TOX2: variants seen among roughly 807,000 people sequenced by gnomAD.
The protein encoded by TOX2 is TOX high mobility group box family member 2, also known as granulosa cell HMG box 1.
A neutral mutation model predicts 47.4 loss-of-function variants in TOX2; 15 were observed. The ratio of observed to expected loss-of-function variants is 0.32; its 90% CI spans 0.21 to 0.49. The LOEUF (loss-of-function observed/expected upper bound fraction) is 0.49. Ranked by LOEUF, TOX2 falls within the 20% of genes least tolerant of loss-of-function variation. The probability of loss-of-function intolerance (pLI) is 0.99; values close to 1 mark genes in which losing one functional copy is unlikely to be tolerated. For missense variants in TOX2, 622 were observed against 673.1 expected (o/e 0.92, Z 0.84); for synonymous variants, 290 against 296.6 (o/e 0.98, Z 0.23).
intron 3 of TOX2, among the ~76,000 whole-genome samples, chr20:44,008,602 C>T (rs1021359975): frequency 8.5e-5 from 13 of 152,134 alleles, no homozygotes; most frequent in African/African-American, 7.2e-5. Context: ...CCATCAAAAT[C>T]TATAGAAAAA....
chr20:43,991,332 T>C (rs1168319237), intron 2 of TOX2, among the ~76,000 whole-genome samples: 1 of 152,250 alleles, frequency 6.6e-6, no homozygotes, highest in East Asian at 1.9e-4. Context: ...GGTGCAGCAC[T>C]GAGCCCAATG....
chr20:43,999,279 A>G (rs980803729), intron 2 of TOX2, among the ~76,000 whole-genome samples: 2 of 152,076 alleles, frequency 1.3e-5, no homozygotes, highest in Non-Finnish European at 2.9e-5. Flanking sequence ...ATTTTTCTAG[A>G]TTGATAAAGT....
rs2070273406 is a variant in TOX2 at position 43,986,702 on chromosome 20, G to A, written c.165+13270G>A. On this transcript the variant is annotated intron_variant, in intron 2 of 8. Transcript: ENST00000341197. Reference sequence around the variant, plus strand: ...TGCTGTGTAAATTGGTACCACCATAGATGCCATTTTGCAGTATCTAAAGCT... The same window carrying A: ...TGCTGTGTAAATTGGTACCACCATAAATGCCATTTTGCAGTATCTAAAGCT... Among the ~76,000 whole-genome samples the A allele has an allele frequency of 2.0e-5, 3 of 152,184 alleles. No homozygotes were observed. The South Asian group carries it at 6.2e-4, about 32-fold the overall frequency.
At chr20:43,969,073 T>C (rs1043698786) in intron 1 of TOX2, among the ~76,000 whole-genome samples, 3 of 152,234 alleles carry the variant, frequency 2.0e-5, no homozygotes, top group Admixed American at 2.0e-4. Context: ...TTTGTACACA[T>C]ATGGGCACAC....
chr20:43,953,058 A>G lies in TOX2; in HGVS notation c.100-20309A>G, dbSNP rs191373548. On this transcript the variant is annotated intron_variant, in intron 1 of 8. Coordinates refer to ENST00000341197, the MANE Select transcript of TOX2 (RefSeq NM_001098797.2). Reference sequence around the variant, plus strand: ...GGAAGCAGAGACTGGGGTGACGGCTATGAAGATGGAGGAAGGGACCACAAG... The same window carrying G: ...GGAAGCAGAGACTGGGGTGACGGCTGTGAAGATGGAGGAAGGGACCACAAG... 3.1e-3 allele frequency among the ~76,000 whole-genome samples: 475 copies of G among 152,164 alleles called. 2 individuals carry two copies. The highest frequency in any genetic ancestry group is 5.1e-3 in the Non-Finnish European group (347 of 67,990).
At chr20:43,989,749 C>T (rs2070334626) in intron 2 of TOX2, among the ~76,000 whole-genome samples, 1 of 150,358 alleles carries the variant, frequency 6.7e-6, no homozygotes, top group African/African-American at 2.5e-5. Context: ...CACTGAACTC[C>T]AGCCTGGGCA....
intron 1 of TOX2, chr20:43,946,005 A>G (rs772610821): frequency 8.1e-6 from 13 of 1,614,114 alleles, no homozygotes; most frequent in Non-Finnish European, 1.0e-5. Flanking sequence ...TACTTGCAAG[A>G]CACTGGTGCA....
chr20:44,065,612 G>A (rs1600806218), intron 6 of TOX2, 100 bp from the exon 7 acceptor site: 1 of 1,398,660 alleles, frequency 7.1e-7, no homozygotes, highest in Admixed American at 2.3e-5. Flanking sequence ...CAGCCAGCCA[G>A]CAGCCGTGTC....
chr20:43,992,836 C>T (rs1477677207), intron 2 of TOX2, among the ~76,000 whole-genome samples: 2 of 132,590 alleles, frequency 1.5e-5, no homozygotes, highest in Admixed American at 8.0e-5. Context: ...GAAACACATT[C>T]GTGTAGGGTT....
intron 1 of TOX2, among the ~76,000 whole-genome samples, chr20:43,935,927 C>CA (rs58300627): frequency 0.01 from 748 of 71,724 alleles, 3 homozygotes; most frequent in Non-Finnish European, 0.012. Context: ...AACTCCATCC[C>CA]AAAAAAAAAA....
At chr20:44,045,749 C>T (rs1287975479) in intron 3 of TOX2, among the ~76,000 whole-genome samples, 1 of 152,166 alleles carries the variant, frequency 6.6e-6, no homozygotes, top group Non-Finnish European at 1.5e-5. Context: ...TCACACTTAG[C>T]AGGTTTGCAA....
chr20:43,935,457 A>G (rs1030505632), intron 1 of TOX2, among the ~76,000 whole-genome samples: 2 of 152,182 alleles, frequency 1.3e-5, no homozygotes, highest in African/African-American at 2.4e-5. Flanking sequence ...ACGAGGAGGA[A>G]CTACTGTTCA....
intron 5 of TOX2, among the ~76,000 whole-genome samples, chr20:44,055,654 G>T (rs913243405): frequency 6.6e-6 from 1 of 152,162 alleles, no homozygotes. Context: ...TGGAACGGCA[G>T]CATAAGGCAG....
chr20:43,937,235 A>G (rs1200320645), intron 1 of TOX2, among the ~76,000 whole-genome samples: 1 of 151,978 alleles, frequency 6.6e-6, no homozygotes, highest in Non-Finnish European at 1.5e-5. Flanking sequence ...ACACTTGACC[A>G]CTCCAAGAAA....
chr20:43,962,035 A>T (rs2069768605), intron 1 of TOX2, among the ~76,000 whole-genome samples: 1 of 152,200 alleles, frequency 6.6e-6, no homozygotes, highest in Admixed American at 6.5e-5. Flanking sequence ...TGCATAATTA[A>T]AGCTTAATGA....
intron 2 of TOX2, among the ~76,000 whole-genome samples, chr20:43,994,448 G>C (rs1295938728): frequency 7.4e-6 from 1 of 134,372 alleles, no homozygotes; most frequent in Non-Finnish European, 1.6e-5. Flanking sequence ...GACAGAGCCA[G>C]ACCCTGTCTC....
rs2071043906 is a variant in TOX2 at position 44,025,360 on chromosome 20, C to T, written c.411+18568C>T. Among the ~76,000 whole-genome samples, 3 of 150,382 alleles carry T rather than the reference C, an allele frequency of 2.0e-5. No homozygotes were observed. The South Asian group carries it at 6.4e-4, about 32-fold the overall frequency. The stretch of plus-strand genomic sequence containing the variant: ...ACCCCCATGTCCATTCGTCGTTGGC[C>T]AGAGATTGGGGGATGGAGTGACCTC... On this transcript the variant is annotated intron_variant, in intron 3 of 8. Coordinates refer to ENST00000341197, the MANE Select transcript of TOX2 (RefSeq NM_001098797.2).
At chr20:44,058,030 G>A (rs1010523837) in intron 5 of TOX2, among the ~76,000 whole-genome samples, 14 of 146,804 alleles carry the variant, frequency 9.5e-5, no homozygotes, top group South Asian at 6.2e-4. Flanking sequence ...GCTCCCACTC[G>A]GACAGACAGA....
chr20:43,962,074 G>T (rs2069769463), intron 1 of TOX2, among the ~76,000 whole-genome samples: 1 of 152,240 alleles, frequency 6.6e-6, no homozygotes, highest in Non-Finnish European at 1.5e-5. Flanking sequence ...TGTGCAATTA[G>T]ATTTACAATC....
Sources: allele counts gnomAD v4.1 joint callset (sites outside exome capture counted in the v4.1 genomes callset), GRCh38; gene constraint gnomAD v4.1.1; transcripts MANE v1.5; gene names NCBI Gene and HGNC (gene_info 2026-07-23, HGNC 2026-07-21).